STXBP4: variants seen among roughly 807,000 people sequenced by gnomAD.
The protein encoded by STXBP4 is syntaxin-binding protein 4.
In STXBP4, 55 loss-of-function variants were observed where a neutral mutation model predicts 76.1. That is an observed-to-expected ratio of 0.72 (90% CI 0.58 to 0.91). The LOEUF (loss-of-function observed/expected upper bound fraction) is 0.91, where lower values mean the gene tolerates loss of function less well. Ranked by LOEUF, STXBP4 falls within the 40% of genes least tolerant of loss-of-function variation. The probability of loss-of-function intolerance (pLI) is 0.00; values close to 1 mark genes in which losing one functional copy is unlikely to be tolerated. For synonymous variants in STXBP4, 201 were observed against 220.2 expected, an observed-to-expected ratio of 0.91 and a Z score of 0.77; for missense variants, 618 against 636.9, an observed-to-expected ratio of 0.97 and a Z score of 0.32.
chr17:55,143,060 T>G (rs2080112188), intron 17 of STXBP4, among the ~76,000 whole-genome samples: 1 of 152,208 alleles, frequency 6.6e-6, no homozygotes, highest in African/African-American at 2.4e-5. Flanking sequence ...ATTAACTTTA[T>G]AAAGGAAAAG....
At chr17:55,098,826 A>C (rs2079528474) in intron 16 of STXBP4, among the ~76,000 whole-genome samples, 1 of 151,950 alleles carries the variant, frequency 6.6e-6, no homozygotes, top group African/African-American at 2.4e-5. Flanking sequence ...TTACTTGTTT[A>C]TTTTCTACCT....
intron 1 of STXBP4, among the ~76,000 whole-genome samples, chr17:54,978,098 A>G (rs965404539): frequency 6.6e-6 from 1 of 152,222 alleles, no homozygotes; most frequent in Non-Finnish European, 1.5e-5. Flanking sequence ...AGGTGGACGT[A>G]TATTTTAAAA....
At chr17:55,149,016 G>A (rs2080186641) in intron 17 of STXBP4, among the ~76,000 whole-genome samples, 1 of 152,218 alleles carries the variant, frequency 6.6e-6, no homozygotes, top group African/African-American at 2.4e-5. Context: ...GAGAATATGT[G>A]TAGGCTCCTC....
Position 54,992,538 on chromosome 17 carries a change from AT to A in STXBP4, c.180+1587del, listed in dbSNP as rs200991098. On this transcript the variant is annotated intron_variant, in intron 4 of 17. Coordinates refer to ENST00000376352, the MANE Select transcript of STXBP4 (RefSeq NM_178509.6). ...CAAATTCAAAAAAACAAAAAAATGA[AT>A]TTTTTCTTCCAAGAATTGAGGTGTT... Among the ~76,000 whole-genome samples, 3 of 151,736 alleles carry A rather than the reference AT, an allele frequency of 2.0e-5. No individual in the cohort carries two copies. In the East Asian group the frequency reaches 5.8e-4, roughly 29 times the overall value.
chr17:55,018,877 C>T (rs1033387021), intron 8 of STXBP4, among the ~76,000 whole-genome samples: 1 of 152,192 alleles, frequency 6.6e-6, no homozygotes, highest in African/African-American at 2.4e-5. Flanking sequence ...TTTTGTGGAT[C>T]TTCAGTTGCT....
chr17:55,106,982 G>T (rs901891079), intron 16 of STXBP4, among the ~76,000 whole-genome samples: 7 of 152,286 alleles, frequency 4.6e-5, no homozygotes, highest in South Asian at 2.1e-4. Context: ...ATGTTGTCCT[G>T]TCTTGCTAGG....
intron 17 of STXBP4, among the ~76,000 whole-genome samples, chr17:55,152,155 A>G (rs997668894): frequency 3.3e-5 from 5 of 152,212 alleles, no homozygotes; most frequent in African/African-American, 1.2e-4. Context: ...ATTTTTACCC[A>G]GTGATATGAC....
At chr17:55,046,933 G>C (rs917018023) in intron 11 of STXBP4, among the ~76,000 whole-genome samples, 156 bp from the exon 12 acceptor site, 1 of 151,790 alleles carries the variant, frequency 6.6e-6, no homozygotes, top group Non-Finnish European at 1.5e-5. Flanking sequence ...TTACTTTTAA[G>C]TGCCTCATGT....
At chr17:55,104,240 C>G (rs1219434728) in intron 16 of STXBP4, among the ~76,000 whole-genome samples, 4 of 152,178 alleles carry the variant, frequency 2.6e-5, no homozygotes, top group Admixed American at 2.6e-4. Context: ...TTTGCCCATT[C>G]AGTATGATAT....
intron 3 of STXBP4, 92 bp downstream of exon 3, chr17:54,986,358 C>T: frequency 1.1e-6 from 1 of 926,504 alleles, no homozygotes; most frequent in Non-Finnish European, 1.7e-6. Flanking sequence ...ACATCTAGCT[C>T]TCTAATGTGG....
intron 16 of STXBP4, among the ~76,000 whole-genome samples, chr17:55,121,240 C>A (rs1333432078): frequency 6.6e-6 from 1 of 151,908 alleles, no homozygotes; most frequent in Non-Finnish European, 1.5e-5. Context: ...GAGCTAATAG[C>A]TCAGATAAAT....
At chr17:55,054,329 A>G (rs1209786406) in intron 12 of STXBP4, among the ~76,000 whole-genome samples, 1 of 152,164 alleles carries the variant, frequency 6.6e-6, no homozygotes. Context: ...TCTACTAAAA[A>G]TACAAAAAAA....
chr17:55,066,784 T>C (rs2079056918), intron 12 of STXBP4, among the ~76,000 whole-genome samples: 1 of 152,078 alleles, frequency 6.6e-6, no homozygotes, highest in African/African-American at 2.4e-5. Flanking sequence ...CCGAGGTGGG[T>C]GGATGTCTTT....
intron 1 of STXBP4, among the ~76,000 whole-genome samples, chr17:54,983,743 T>G (rs915517559): frequency 2.0e-5 from 3 of 152,188 alleles, no homozygotes; most frequent in Admixed American, 6.5e-5. Flanking sequence ...GAGAATGACC[T>G]CTCTTGAGGT....
chr17:55,038,977 T>G (rs961362758), intron 10 of STXBP4, among the ~76,000 whole-genome samples: 6 of 152,182 alleles, frequency 3.9e-5, no homozygotes, highest in Admixed American at 2.6e-4. Flanking sequence ...TGTATCATAT[T>G]TCTCACCACG....
chr17:55,089,630 T>C (rs1265971746), intron 16 of STXBP4, among the ~76,000 whole-genome samples: 1 of 152,180 alleles, frequency 6.6e-6, no homozygotes, highest in East Asian at 1.9e-4. Context: ...TATAATGCCT[T>C]TGTGTAGTTT....
chr17:55,000,146 T>A (rs1422276432), intron 6 of STXBP4: 1 of 885,578 alleles, frequency 1.1e-6, no homozygotes, highest in Non-Finnish European at 1.4e-6. Flanking sequence ...TGGTTTCAGT[T>A]GGTTTAGTTA....
chr17:55,089,096 C>T (rs2079376945), intron 16 of STXBP4, among the ~76,000 whole-genome samples: 1 of 152,100 alleles, frequency 6.6e-6, no homozygotes, highest in Admixed American at 6.6e-5. Flanking sequence ...AAAAGTGGAT[C>T]TCATAATATC....
intron 12 of STXBP4, among the ~76,000 whole-genome samples, chr17:55,058,961 A>T (rs927383673): frequency 2.0e-5 from 3 of 152,026 alleles, no homozygotes; most frequent in Non-Finnish European, 4.4e-5. Flanking sequence ...TGCTCACTTT[A>T]TATATATTTC....
Sources: allele counts gnomAD v4.1 joint callset (sites outside exome capture counted in the v4.1 genomes callset), GRCh38; gene constraint gnomAD v4.1.1; transcripts MANE v1.5; gene names NCBI Gene and HGNC (gene_info 2026-07-23, HGNC 2026-07-21).